Variants in NRXN3 observed in about 807,000 individuals in gnomAD.
The protein encoded by NRXN3 is neurexin III.
In NRXN3, 32 loss-of-function variants were observed where a neutral mutation model predicts 137.6. The ratio of observed to expected loss-of-function variants is 0.23; its 90% CI spans 0.18 to 0.31. The LOEUF is 0.31. Ranked by LOEUF, NRXN3 falls within the 10% of genes least tolerant of loss-of-function variation. The pLI, the probability that NRXN3 is intolerant of heterozygous loss-of-function variation, is 1.00. For synonymous variants in NRXN3, 798 were observed against 784.5 expected, an observed-to-expected ratio of 1.02 and a Z score of -0.29; for missense variants, 1,574 against 2,062.5, an observed-to-expected ratio of 0.76 and a Z score of 4.59.
chr14:79,434,340 TA>T (rs200221338), intron 15 of NRXN3, among the ~76,000 whole-genome samples: 18 of 149,660 alleles, frequency 1.2e-4, no homozygotes, highest in South Asian at 4.2e-4. Context: ...GACCAATTCT[TA>T]AAAAAAAAAT....
intron 15 of NRXN3, among the ~76,000 whole-genome samples, chr14:79,060,150 G>A (rs2099672380): frequency 6.6e-6 from 1 of 152,164 alleles, no homozygotes; most frequent in Non-Finnish European, 1.5e-5. Flanking sequence ...GTGCCTCTTG[G>A]GATACTTCTG....
At chr14:79,085,843 G>T (rs751288781) in intron 15 of NRXN3, among the ~76,000 whole-genome samples, 1 of 152,172 alleles carries the variant, frequency 6.6e-6, no homozygotes, top group Non-Finnish European at 1.5e-5. Flanking sequence ...TGAGGAAAAA[G>T]AAGTGATTAA....
intron 10 of NRXN3, among the ~76,000 whole-genome samples, chr14:78,817,219 G>A (rs1040284908): frequency 2.6e-5 from 4 of 152,148 alleles, no homozygotes; most frequent in Admixed American, 6.5e-5. Context: ...TGAGCTACAT[G>A]TCTTTGACAA....
At chr14:78,883,256 T>C (rs998547274) in intron 10 of NRXN3, among the ~76,000 whole-genome samples, 18 of 152,200 alleles carry the variant, frequency 1.2e-4, no homozygotes, top group Non-Finnish European at 2.6e-4. Flanking sequence ...TTAATGTAGA[T>C]GTGTTTACAG....
chr14:78,431,575 A>ACAAAGGGG (rs1491148382), intron 4 of NRXN3, among the ~76,000 whole-genome samples: 1 of 152,142 alleles, frequency 6.6e-6, no homozygotes, highest in Admixed American at 6.5e-5. Flanking sequence ...GCAAAGAAAG[A>ACAAAGGGG]CAAAGGGGAG....
chr14:78,404,872 G>A (rs1598308144), intron 4 of NRXN3, among the ~76,000 whole-genome samples: 1 of 152,254 alleles, frequency 6.6e-6, no homozygotes, highest in African/African-American at 2.4e-5. Flanking sequence ...TCTGCAAGTG[G>A]AATTATTAGA....
At chr14:78,821,007 T>A (rs900641691) in intron 10 of NRXN3, among the ~76,000 whole-genome samples, 1 of 152,080 alleles carries the variant, frequency 6.6e-6, no homozygotes, top group Non-Finnish European at 1.5e-5. Flanking sequence ...AGGTGATGAA[T>A]GGTAGGCATG....
intron 10 of NRXN3, among the ~76,000 whole-genome samples, chr14:78,911,547 A>G (rs1478695716): frequency 1.2e-4 from 19 of 152,208 alleles, no homozygotes; most frequent in Admixed American, 1.2e-3. Context: ...GCTGTGGAAA[A>G]GGGAGTAAAC....
At chr14:78,484,444 C>T (rs1208788634) in intron 4 of NRXN3, among the ~76,000 whole-genome samples, 1 of 152,142 alleles carries the variant, frequency 6.6e-6, no homozygotes, top group South Asian at 2.1e-4. Context: ...ATGAATTGTG[C>T]TCCTGGGCAG....
chr14:78,359,185 C>G (rs1353002247), intron 4 of NRXN3, among the ~76,000 whole-genome samples: 2 of 152,158 alleles, frequency 1.3e-5, no homozygotes, highest in South Asian at 4.1e-4. Flanking sequence ...GATTCTGTGA[C>G]AAGTACGCAG....
chr14:78,247,137 C>A lies in NRXN3; in HGVS notation c.709+3335C>A, dbSNP rs553970763. 3.9e-4 allele frequency among the ~76,000 whole-genome samples: 60 copies of A among 152,302 alleles called. 1 individual carries two copies. The South Asian group carries it at 0.011, about 28-fold the overall frequency. On this transcript the variant is annotated intron_variant, in intron 2 of 20. Transcript: ENST00000335750. ...TCTGTGGTCCATTATCTCCAGCCCCCCTGCGGTGTTGCTGTTTGCTTGGCT... is the reference window on the plus strand; with the variant it reads ...TCTGTGGTCCATTATCTCCAGCCCCACTGCGGTGTTGCTGTTTGCTTGGCT...
chr14:79,658,571 A>AC (rs1245002462), intron 16 of NRXN3, among the ~76,000 whole-genome samples: 3 of 152,090 alleles, frequency 2.0e-5, no homozygotes, highest in Non-Finnish European at 4.4e-5. Context: ...TCTTGGCCCA[A>AC]CCCATCACAA....
chr14:79,001,560 G>A (rs757417273), intron 15 of NRXN3, among the ~76,000 whole-genome samples: 3 of 152,168 alleles, frequency 2.0e-5, no homozygotes, highest in South Asian at 2.1e-4. Context: ...CCTGGAAGGC[G>A]CTCTTCTCTG....
intron 9 of NRXN3, among the ~76,000 whole-genome samples, chr14:78,808,062 T>TATAC (rs1285392996): frequency 2.0e-5 from 3 of 152,222 alleles, no homozygotes; most frequent in African/African-American, 7.2e-5. Context: ...TTTATACATA[T>TATAC]ATACATACAC....
chr14:78,438,677 A>G (rs1376513166), intron 4 of NRXN3, among the ~76,000 whole-genome samples: 4 of 152,190 alleles, frequency 2.6e-5, no homozygotes, highest in African/African-American at 7.2e-5. Context: ...GGTGCTGCCC[A>G]TGCCAGAAGA....
intron 4 of NRXN3, among the ~76,000 whole-genome samples, chr14:78,616,385 C>T (rs958550514): frequency 6.6e-6 from 1 of 152,208 alleles, no homozygotes; most frequent in African/African-American, 2.4e-5. Flanking sequence ...AACTCGTACT[C>T]ATTTGCAGGT....
chr14:79,399,795 C>T (rs1030416034), intron 15 of NRXN3, among the ~76,000 whole-genome samples: 8 of 152,150 alleles, frequency 5.3e-5, no homozygotes, highest in African/African-American at 1.2e-4. Context: ...CAGTTTCTCC[C>T]AGTTCGGGAG....
intron 1 of NRXN3, among the ~76,000 whole-genome samples, chr14:78,200,879 G>C (rs938936942): frequency 6.6e-6 from 1 of 152,108 alleles, no homozygotes; most frequent in Non-Finnish European, 1.5e-5. Context: ...TCGTTAAGGT[G>C]GTGTGATATA....
chr14:79,386,331 T>C (rs944651475), intron 15 of NRXN3, among the ~76,000 whole-genome samples: 1 of 152,052 alleles, frequency 6.6e-6, no homozygotes. Context: ...GAGAGCCAAA[T>C]CATGACTGAA....
Sources: gnomAD v4.1 joint callset for allele counts (sites outside exome capture counted in the v4.1 genomes callset) on GRCh38, gnomAD v4.1.1 for gene constraint, MANE v1.5 for transcripts, NCBI Gene and HGNC (gene_info 2026-07-23, HGNC 2026-07-21) for gene names.